GMIP: variants seen among roughly 807,000 people sequenced by gnomAD.
GMIP encodes GEM-interacting protein.
Under a neutral mutation model 105.3 loss-of-function variants are expected in GMIP, and 54 were observed. The ratio of observed to expected loss-of-function variants is 0.51; its 90% confidence interval spans 0.41 to 0.64. The LOEUF (loss-of-function observed/expected upper bound fraction) is 0.64. Ranked by LOEUF, GMIP falls within the 30% of genes least tolerant of loss-of-function variation. The probability of loss-of-function intolerance (pLI) is 0.00; values close to 1 mark genes in which losing one functional copy is unlikely to be tolerated. For missense variants in GMIP, 1,110 were observed against 1,319.4 expected (o/e 0.84, Z 2.46); for synonymous variants, 541 against 560.8 (o/e 0.96, Z 0.50).
chr19:19,636,649 CA>C, intron 13 of GMIP, 57 bp downstream of exon 13: 1 of 1,278,032 alleles, frequency 7.8e-7, no homozygotes, highest in Non-Finnish European at 1.1e-6. Flanking sequence ...AGAGCTTGGC[CA>C]GGGGCTGGAG....
rs368591231 is a variant in GMIP at position 19,630,345 on chromosome 19, G to A, written c.2540-9C>T. On this transcript the variant is annotated splice_polypyrimidine_tract_variant and intron_variant, in intron 20 of 20. Transcript: ENST00000203556. The surrounding 1 kb of genome is among the most constrained non-coding windows in gnomAD (Gnocchi z 4.8). ...TGGGCCTTGGCTGGACACTGTGTAC[G>A]GGGTGGGTGGTCAGTGCAGAGCACC... The A allele has an allele frequency of 2.2e-5, 34 of 1,544,822 alleles. No individual in the cohort carries two copies. Among genetic ancestry groups the A allele is most frequent in the East Asian group, 6.8e-5 (3 of 44,368 alleles).
chr19:19,638,545 C>A, intron 7 of GMIP, 63 bp from the exon 8 acceptor site: 1 of 1,358,258 alleles, frequency 7.4e-7, no homozygotes, highest in South Asian at 1.2e-5. Context: ...AGCAGCCACC[C>A]AGTCCTTCCA....
At chr19:19,633,278 G>A (rs1472517323) in intron 19 of GMIP, among the ~76,000 whole-genome samples, 1 of 151,968 alleles carries the variant, frequency 6.6e-6, no homozygotes, top group African/African-American at 2.4e-5. Context: ...GATTAGTCTC[G>A]AACTCCTGAC....
chr19:19,637,081 G>A lies in GMIP; in HGVS notation c.1125-52C>T, dbSNP rs2061862980. ...GAATCCCAGGAAACTGGCCTGGGGT[G>A]ATGGCACCCAGGCATCATGTCTAGG... On this transcript the variant is annotated intron_variant, in intron 11 of 20. Transcript: ENST00000203556. The surrounding 1 kb of genome is among the most constrained non-coding windows in gnomAD (Gnocchi z 6.7). 2 of 1,205,470 alleles carry A rather than the reference G, an allele frequency of 1.7e-6. No individual in the cohort carries two copies. Among genetic ancestry groups the A allele is most frequent in the Admixed American group, 2.0e-5 (1 of 49,172 alleles). 74.7% of individuals were successfully genotyped at this position (1,205,470 alleles called of 1,614,324 possible).
At position 19,643,549 on chromosome 19, in the gene GMIP, T is replaced by C. The variant is rs1477168668; in HGVS notation, c.-20A>G. 6.5e-7 allele frequency: 1 copy of C among 1,542,002 alleles called. No homozygotes were observed. Among genetic ancestry groups the C allele is most frequent in the African/African-American group, 1.4e-5 (1 of 72,008 alleles). On this transcript the variant is annotated 5_prime_UTR_variant, in exon 1 of 21. Coordinates refer to ENST00000203556, the MANE Select transcript of GMIP (RefSeq NM_016573.4). ...GTCCATATCTGGGCCCGGGGATCGC[T>C]CTGCAGGGACCGGGATGGGGATGGG...
chr19:19,640,642 A>C, intron 4 of GMIP, 71 bp from the exon 5 acceptor site: 1 of 1,543,498 alleles, frequency 6.5e-7, no homozygotes, highest in East Asian at 2.2e-5. Context: ...AAGCCCCCAG[A>C]CCAGCCCAGT....
At chr19:19,636,377 A>C (rs1038430316) in intron 13 of GMIP, among the ~76,000 whole-genome samples, 5 of 151,322 alleles carry the variant, frequency 3.3e-5, no homozygotes, top group Non-Finnish European at 5.9e-5. Context: ...TACAAAAATC[A>C]GCCGGCGTGG....
rs1292160548 is a variant in GMIP, at chr19:19,640,117, T to C, written c.505A>G (p.Thr169Ala). Reference protein sequence around the residue: ...DLSLGTLAMETVAQQKRDYYQ... With the variant: ...DLSLGTLAMEAVAQQKRDYYQ... ...TAGTCTCTTTTCTGCTGGGCCACTG[T>C]CTCCATGGCCAGGGTTCCCAGGCTG... The change falls in exon 7 of 21, where the codon ACA becomes GCA. Residue 169 changes from threonine to alanine, a missense_variant. Thr to Ala is a moderately conservative substitution (Grantham distance 58). Coordinates refer to ENST00000203556, the MANE Select transcript of GMIP (RefSeq NM_016573.4). 5 of 1,612,608 alleles carry C rather than the reference T, an allele frequency of 3.1e-6. No individual in the cohort carries two copies. The highest frequency in any genetic ancestry group is 1.7e-5 in the Admixed American group (1 of 59,994).
chr19:19,631,638 A>G (rs910458176), intron 19 of GMIP, among the ~76,000 whole-genome samples: 2 of 152,192 alleles, frequency 1.3e-5, no homozygotes, highest in Non-Finnish European at 2.9e-5. Context: ...GGGTGCTGCT[A>G]TCTTCCTGGT....
rs143795461 is a variant in GMIP at position 19,634,908 on chromosome 19, A to C, written c.1771T>G (p.Ser591Ala). Residue 591 changes from serine to alanine, a missense_variant, in exon 17 of 21, where the codon TCC becomes GCC. Around this residue, in one of 3 missense-constraint regions of GMIP, gnomAD observed 49 missense variants for 95.6 expected, o/e 0.51. Transcript: ENST00000203556. This position sits in a 1 kb window ranked among gnomAD's most constrained non-coding sequence, Gnocchi z 6.1. Reference sequence around the variant, plus strand: ...CACAGCCGCTCCACACGGACCCGGGACCCGCTGACCCGGTAAATGCCCTGC... The same window carrying C: ...CACAGCCGCTCCACACGGACCCGGGCCCCGCTGACCCGGTAAATGCCCTGC... ...DVQGIYRVSG[S>A]RVRVERLCQA... The C allele has an allele frequency of 1.9e-6, 3 of 1,613,892 alleles. No homozygotes were observed. Among genetic ancestry groups the C allele is most frequent in the African/African-American group, 1.3e-5 (1 of 74,912 alleles).
chr19:19,640,694 T>TTG, intron 4 of GMIP, 123 bp from the exon 5 acceptor site: 2 of 843,638 alleles, frequency 2.4e-6, no homozygotes, highest in Non-Finnish European at 3.7e-6. Flanking sequence ...AACACTACTT[T>TTG]GGGATCACTT....
chr19:19,640,049 G>T, intron 7 of GMIP, 36 bp downstream of exon 7: 1 of 1,207,886 alleles, frequency 8.3e-7, no homozygotes. Context: ...AGGATAGCAG[G>T]GTGACCTCTG....
At position 19,633,898 on chromosome 19, in the gene GMIP, G is replaced by A. The variant is rs2061821117; in HGVS notation, c.2377C>T (p.Pro793Ser). 6.6e-7 allele frequency: 1 copy of A among 1,516,834 alleles called. No individual in the cohort carries two copies. The highest frequency in any genetic ancestry group is 8.9e-7 in the Non-Finnish European group (1 of 1,128,950). 94.0% of individuals were successfully genotyped at this position (1,516,834 alleles called of 1,614,324 possible). A position where few individuals can be genotyped will look rare whatever the true frequency, so the allele number is the denominator to read the frequency against. ...GCTAGGACTGGGGGCTGGGAGTCTG[G>A]GTCAAGGTGCGGGGGTGGCGGTTGG... Reference protein sequence around the residue: ...SSQPPPPHLDPDSQPPVLASD... With the variant: ...SSQPPPPHLDSDSQPPVLASD... Residue 793 changes from proline (P) to serine (S), a missense_variant, in exon 19 of 21, where the codon CCA (proline) becomes TCA (serine). Physicochemically the swap from Pro to Ser is moderately conservative, Grantham distance 74. Around this residue, in one of 3 missense-constraint regions of GMIP, gnomAD observed 394 missense variants for 450.5 expected, o/e 0.87. Transcript: ENST00000203556.
chr19:19,640,029 G>T, intron 7 of GMIP, 56 bp downstream of exon 7: 2 of 1,014,360 alleles, frequency 2.0e-6, no homozygotes, highest in Non-Finnish European at 3.1e-6. Context: ...GATCAGGCCT[G>T]AAGGACAGCA....
chr19:19,643,634 C>A lies in GMIP; in HGVS notation c.-105G>T, dbSNP rs942896467. 3 of 1,020,464 alleles carry A rather than the reference C, an allele frequency of 2.9e-6. No homozygotes were observed. The highest frequency in any genetic ancestry group is 1.6e-5 in the South Asian group (1 of 62,194). 63.2% of individuals were successfully genotyped at this position (1,020,464 alleles called of 1,614,324 possible). A position where few individuals can be genotyped will look rare whatever the true frequency, so the allele number is the denominator to read the frequency against. On this transcript the variant is annotated 5_prime_UTR_variant, in exon 1 of 21. Coordinates refer to ENST00000203556, the MANE Select transcript of GMIP (RefSeq NM_016573.4). The stretch of plus-strand genomic sequence containing the variant: ...GCCGCCGCAGCCGCCGCCGCCGCCT[C>A]GGTTCCGCGTCGCCCTGCCCAGCGG...
rs762129062 is a variant in GMIP at position 19,640,287 on chromosome 19, C to G, written c.429+9G>C. On this transcript the variant is annotated intron_variant, in intron 6 of 20. Transcript: ENST00000203556. ...CTTGGGCTCTCCGGGGGGGTCTGGT[C>G]ATGACTACCTGCTGTTGAATGGACA... The G allele has an allele frequency of 3.7e-6, 6 of 1,613,420 alleles. No homozygotes were observed. The highest frequency in any genetic ancestry group is 5.1e-6 in the Non-Finnish European group (6 of 1,179,570).
At chr19:19,643,381 G>T (rs894097236) in intron 1 of GMIP, 130 bp downstream of exon 1, 1 of 811,970 alleles carries the variant, frequency 1.2e-6, no homozygotes, top group East Asian at 3.1e-5. Context: ...CACAATGGAG[G>T]ATCCCTGGGT....
At position 19,637,047 on chromosome 19, in the gene GMIP, TGAA is replaced by T; in HGVS notation, c.1125-21_1125-19del. Reference sequence around the variant, plus strand: ...GAGGGGAGCTGAGAAGACAGAAGTTTGAAGGTTTGAATCCCAGGAAACTGGCCT... The same window carrying T: ...GAGGGGAGCTGAGAAGACAGAAGTTTGGTTTGAATCCCAGGAAACTGGCCT... On this transcript the variant is annotated intron_variant, in intron 11 of 20. Coordinates refer to ENST00000203556, the MANE Select transcript of GMIP (RefSeq NM_016573.4). The surrounding 1 kb of genome is among the most constrained non-coding windows in gnomAD (Gnocchi z 6.7). The T allele has an allele frequency of 6.6e-7, 1 of 1,507,296 alleles. No homozygotes were observed. Among genetic ancestry groups the T allele is most frequent in the Middle Eastern group, 1.7e-4 (1 of 5,894 alleles). The allele number at this position is 1,507,296 out of a possible 1,614,324, so 93.4% of individuals were successfully genotyped here.
chr19:19,638,087 G>A (rs552137279), intron 9 of GMIP, 30 bp from the exon 10 acceptor site: 217 of 1,546,396 alleles, frequency 1.4e-4, no homozygotes, highest in Non-Finnish European at 1.8e-4. Flanking sequence ...GGAGCGGGGT[G>A]GGGCGCGTGT....
Sources: gnomAD v4.1 joint callset for allele counts (sites outside exome capture counted in the v4.1 genomes callset) on GRCh38, gnomAD v4.1.1 for gene constraint, gnomAD v4.1.1 regional missense constraint, Gnocchi (gnomAD v3.1) non-coding constraint, MANE v1.5 for transcripts, NCBI Gene and HGNC (gene_info 2026-07-23, HGNC 2026-07-21) for gene names.